The following TCP10L variants were observed in gnomAD, a reference collection of about 807,000 sequenced individuals.
TCP10L encodes the protein t-complex 10 like.
A neutral mutation model predicts 19.2 loss-of-function variants in TCP10L; 11 were observed. The observed-to-expected ratio is 0.57, with a 90% CI of 0.36 to 0.95. TCP10L has a LOEUF of 0.95. TCP10L is among the 40% of genes least tolerant of loss of function. The pLI, the probability that TCP10L is intolerant of heterozygous loss-of-function variation, is 0.01. For missense variants in TCP10L, 247 were observed against 263.9 expected (o/e 0.94, Z 0.44); for synonymous variants, 96 against 97.2 (o/e 0.99, Z 0.07).
rs977395708 is a variant in TCP10L at position 32,578,983 on chromosome 21, A to G, written c.361-152T>C. ...TGGGTTTTCCCCCTAATATGTTGAT[A>G]AGAACAGAAACCCTCACCAAGCGTT... On this transcript the variant is annotated intron_variant, in intron 3 of 4. Transcript: ENST00000300258. This position sits in a 1 kb window ranked among gnomAD's most constrained non-coding sequence, Gnocchi z 4.2. The G allele has an allele frequency of 1.7e-5, 23 of 1,320,178 alleles. No homozygotes were observed. Among genetic ancestry groups the G allele is most frequent in the Non-Finnish European group, 2.4e-5 (23 of 977,904 alleles). The allele number at this position is 1,320,178 out of a possible 1,614,324, so 81.8% of individuals were successfully genotyped here.
chr21:32,580,553 C>T (rs1344870782), intron 3 of TCP10L, among the ~76,000 whole-genome samples: 1 of 150,324 alleles, frequency 6.7e-6, no homozygotes, highest in Non-Finnish European at 1.5e-5. Context: ...TATTCTAAGT[C>T]CTGGAAGTAC....
Position 32,582,317 on chromosome 21 carries a change from A to G in TCP10L, c.243T>C (p.Ala81=), listed in dbSNP as rs1291960879. The G allele has an allele frequency of 1.9e-6, 3 of 1,613,950 alleles. No homozygotes were observed. Among genetic ancestry groups the G allele is most frequent in the East Asian group, 2.2e-5 (1 of 44,870 alleles). ...GGAGCTCCATGTTCTGCTCCCTCAA[A>G]GCATCTATATGACTCCGGAGTTTTC... ...VHGKLRSHID[A]LREQNMELRE... The change falls in exon 3 of 5, where the codon GCT becomes GCC. Residue 81 remains alanine (A), a synonymous_variant. Transcript: ENST00000300258. This position sits in a 1 kb window ranked among gnomAD's most constrained non-coding sequence, Gnocchi z 4.2.
intron 3 of TCP10L, among the ~76,000 whole-genome samples, chr21:32,580,128 C>T (rs976036221): frequency 3.9e-5 from 6 of 151,982 alleles, no homozygotes; most frequent in African/African-American, 1.2e-4. Context: ...TTTTTTCAGA[C>T]GGAGTCTTGC....
chr21:32,583,845 G>A (rs1216005247), intron 2 of TCP10L, among the ~76,000 whole-genome samples: 1 of 152,162 alleles, frequency 6.6e-6, no homozygotes, highest in Non-Finnish European at 1.5e-5. Flanking sequence ...TTGCTGGGAT[G>A]ATGTGAGGCA....
At position 32,576,252 on chromosome 21, in the gene TCP10L, G is replaced by T; in HGVS notation, c.*522C>A. ...CTGCCATCTGCTCCTGCAGCATGGC[G>T]GCCTGGGAAGCCTGCACTGGTGATT... On this transcript the variant is annotated 3_prime_UTR_variant, in exon 5 of 5. Coordinates refer to ENST00000300258, the MANE Select transcript of TCP10L (RefSeq NM_144659.7). 6.4e-7 allele frequency: 1 copy of T among 1,567,872 alleles called. No homozygotes were observed. Among genetic ancestry groups the T allele is most frequent in the East Asian group, 2.3e-5 (1 of 43,914 alleles).
In TCP10L at chr21:32,582,496, T is replaced by A. The variant is rs2038507013; in HGVS notation, c.145-81A>T. ...TTATCTGCAAAATACTCAAGCCCTC[T>A]CTGATGTAAGACCAACACTATTTCT... is the stretch of plus-strand genomic sequence containing the variant. On this transcript the variant is annotated intron_variant, in intron 2 of 4. Coordinates refer to ENST00000300258, the MANE Select transcript of TCP10L (RefSeq NM_144659.7). This position sits in a 1 kb window ranked among gnomAD's most constrained non-coding sequence, Gnocchi z 4.2. The A allele has an allele frequency of 7.4e-7, 1 of 1,346,128 alleles. No individual in the cohort carries two copies. The highest frequency in any genetic ancestry group is 1.5e-5 in the African/African-American group (1 of 68,518). The allele number at this position is 1,346,128 out of a possible 1,614,324, so 83.4% of individuals were successfully genotyped here.
rs1051899466 is a variant in TCP10L at position 32,574,038 on chromosome 21, A to G, written c.*2736T>C. 7.2e-5 allele frequency: 11 copies of G among 152,130 alleles called. No individual in the cohort carries two copies. The highest frequency in any genetic ancestry group is 6.5e-4 in the Admixed American group (10 of 15,272). 9.4% of individuals were successfully genotyped at this position (152,130 alleles called of 1,614,324 possible). ...GAACAGAATGTGGGTTTTTCTCGGG[A>G]GAACAGAAAACAAGCGGGACCTGTG... On this transcript the variant is annotated 3_prime_UTR_variant, in exon 5 of 5. Coordinates refer to ENST00000300258, the MANE Select transcript of TCP10L (RefSeq NM_144659.7).
chr21:32,576,176 G>T lies in TCP10L; in HGVS notation c.*598C>A. 8.4e-7 allele frequency: 1 copy of T among 1,187,834 alleles called. No homozygotes were observed. Among genetic ancestry groups the T allele is most frequent in the Non-Finnish European group, 1.2e-6 (1 of 836,912 alleles). 73.6% of individuals were successfully genotyped at this position (1,187,834 alleles called of 1,614,324 possible). On this transcript the variant is annotated 3_prime_UTR_variant, in exon 5 of 5. Coordinates refer to ENST00000300258, the MANE Select transcript of TCP10L (RefSeq NM_144659.7). ...CCACGAGAAAGCCCCGCATTTCACG[G>T]GGAGCATAGAAACAGGAGTCCCCAA...
chr21:32,581,067 C>G (rs1383784372), intron 3 of TCP10L, among the ~76,000 whole-genome samples: 1 of 152,222 alleles, frequency 6.6e-6, no homozygotes, highest in Non-Finnish European at 1.5e-5. Context: ...CACTCCCATC[C>G]TATGCCTATA....
chr21:32,580,951 C>CG (rs1164665396), intron 3 of TCP10L, among the ~76,000 whole-genome samples: 1 of 152,190 alleles, frequency 6.6e-6, no homozygotes, highest in Admixed American at 6.5e-5. Context: ...TGGAGAAGAA[C>CG]GGGGTCCCTG....
chr21:32,577,289 C>T (rs894181042), intron 4 of TCP10L: 16 of 196,380 alleles, frequency 8.1e-5, no homozygotes, highest in African/African-American at 2.1e-4. Flanking sequence ...TACATTGCCC[C>T]GCATGCCTGT....
intron 3 of TCP10L, among the ~76,000 whole-genome samples, chr21:32,580,820 C>T (rs1398141594): frequency 6.6e-6 from 1 of 152,194 alleles, no homozygotes; most frequent in Non-Finnish European, 1.5e-5. Flanking sequence ...CGTGAAAGCT[C>T]AGTGTTCTGT....
intron 3 of TCP10L, among the ~76,000 whole-genome samples, chr21:32,580,148 C>T (rs1212970351): frequency 6.6e-6 from 1 of 152,130 alleles, no homozygotes; most frequent in Non-Finnish European, 1.5e-5. Flanking sequence ...CTCTGTCCCC[C>T]AGGCTGGAGT....
rs2038512487 is a variant in TCP10L at position 32,582,951 on chromosome 21, A to G, written c.145-536T>C. On this transcript the variant is annotated intron_variant, in intron 2 of 4. Coordinates refer to ENST00000300258, the MANE Select transcript of TCP10L (RefSeq NM_144659.7). The surrounding 1 kb of genome is among the most constrained non-coding windows in gnomAD (Gnocchi z 4.2). ...GAGTTAGTCCACATAATATAACCAG[A>G]TAAAGATGGTTAGTGAATTATGATT... 2.0e-5 allele frequency among the ~76,000 whole-genome samples: 3 copies of G among 151,802 alleles called. No individual in the cohort carries two copies. The highest frequency in any genetic ancestry group is 4.4e-5 in the Non-Finnish European group (3 of 67,976).
Position 32,576,860 on chromosome 21 carries a change from T to C in TCP10L, c.562A>G (p.Lys188Glu). Residue 188 changes from lysine to glutamate, a missense_variant, in exon 5 of 5, where the codon AAA (lysine) becomes GAA (glutamate). Transcript: ENST00000300258. ...WKTPPQENRD[K>E]NLSRRRQDRR... Reference sequence around the variant, plus strand: ...TCTTGACGTCTCCTGGAAAGATTTTTATCTCTATTTTCCTGTGGTGGTGTT... The same window carrying C: ...TCTTGACGTCTCCTGGAAAGATTTTCATCTCTATTTTCCTGTGGTGGTGTT... The C allele has an allele frequency of 6.2e-7, 1 of 1,614,260 alleles. No individual in the cohort carries two copies. Among genetic ancestry groups the C allele is most frequent in the Non-Finnish European group, 8.5e-7 (1 of 1,180,042 alleles).
At position 32,582,070 on chromosome 21, in the gene TCP10L, G is replaced by A. The variant is rs902389649; in HGVS notation, c.360+130C>T. On this transcript the variant is annotated intron_variant, in intron 3 of 4. Coordinates refer to ENST00000300258, the MANE Select transcript of TCP10L (RefSeq NM_144659.7). This position sits in a 1 kb window ranked among gnomAD's most constrained non-coding sequence, Gnocchi z 4.2. ...TTACGGGAAATGGAGTTGATGGAAA[G>A]ATAGCAACCCCTCCCACCACCCGGA... 1 of 1,041,978 alleles carries A rather than the reference G, an allele frequency of 9.6e-7. No individual in the cohort carries two copies. The highest frequency in any genetic ancestry group is 2.3e-5 in the Admixed American group (1 of 43,602). 64.5% of individuals were successfully genotyped at this position (1,041,978 alleles called of 1,614,324 possible). A position where few individuals can be genotyped will look rare whatever the true frequency, so the allele number is the denominator to read the frequency against.
Position 32,582,521 on chromosome 21 carries a change from T to C in TCP10L, c.145-106A>G. On this transcript the variant is annotated intron_variant, in intron 2 of 4. Transcript: ENST00000300258. This position sits in a 1 kb window ranked among gnomAD's most constrained non-coding sequence, Gnocchi z 4.2. ...TCTGATGTAAGACCAACACTATTTC[T>C]GGAATAAAAGACACCCGATGAGATA... is the stretch of plus-strand genomic sequence containing the variant. The C allele has an allele frequency of 9.6e-7, 1 of 1,044,802 alleles. No individual in the cohort carries two copies. The highest frequency in any genetic ancestry group is 1.4e-6 in the Non-Finnish European group (1 of 717,510). 64.7% of individuals were successfully genotyped at this position (1,044,802 alleles called of 1,614,324 possible). A position where few individuals can be genotyped will look rare whatever the true frequency, so the allele number is the denominator to read the frequency against.
chr21:32,582,163 C>A lies in TCP10L; in HGVS notation c.360+37G>T. 2 of 1,606,194 alleles carry A rather than the reference C, an allele frequency of 1.2e-6. No individual in the cohort carries two copies. Among genetic ancestry groups the A allele is most frequent in the Non-Finnish European group, 1.7e-6 (2 of 1,174,962 alleles). On this transcript the variant is annotated intron_variant, in intron 3 of 4. Transcript: ENST00000300258. This position sits in a 1 kb window ranked among gnomAD's most constrained non-coding sequence, Gnocchi z 4.2. Reference sequence around the variant, plus strand: ...TTATGGGGACGCTATTTTTACATAACGCAAACGGTACAAAAACATAAATGC... The same window carrying A: ...TTATGGGGACGCTATTTTTACATAAAGCAAACGGTACAAAAACATAAATGC...
At chr21:32,579,782 C>A (rs1490994077) in intron 3 of TCP10L, among the ~76,000 whole-genome samples, 1 of 152,134 alleles carries the variant, frequency 6.6e-6, no homozygotes, top group Non-Finnish European at 1.5e-5. Context: ...TTTTTAGGAA[C>A]TGGCATACAA....
Sources: allele counts gnomAD v4.1 joint callset (sites outside exome capture counted in the v4.1 genomes callset), GRCh38; gene constraint gnomAD v4.1.1; non-coding constraint Gnocchi (gnomAD v3.1); transcripts MANE v1.5; gene names NCBI Gene and HGNC (gene_info 2026-07-23, HGNC 2026-07-21).